The following SERINC5 variants were observed in gnomAD, a reference collection of about 807,000 sequenced individuals.
SERINC5 encodes the protein chromosome 5 open reading frame 12.
Under a neutral mutation model 63.1 loss-of-function variants are expected in SERINC5, and 41 were observed. The observed-to-expected ratio is 0.65, with a 90% CI of 0.51 to 0.84. The LOEUF is 0.84. Ranked by LOEUF, SERINC5 falls within the 40% of genes least tolerant of loss-of-function variation. The probability of loss-of-function intolerance (pLI) is 0.00; values close to 1 mark genes in which losing one functional copy is unlikely to be tolerated. For missense variants in SERINC5, 523 were observed against 573.0 expected, an observed-to-expected ratio of 0.91 and a Z score of 0.89; for synonymous variants, 222 against 215.2, an observed-to-expected ratio of 1.03 and a Z score of -0.28.
chr5:80,185,971 C>T (rs145411483), intron 2 of SERINC5, among the ~76,000 whole-genome samples: 422 of 151,868 alleles, frequency 2.8e-3, no homozygotes, highest in African/African-American at 9.4e-3. Flanking sequence ...AAAATAATTT[C>T]GGGGAAGAGA....
In SERINC5 at chr5:80,229,050, T is replaced by TGAGGGGG. The variant is rs1751303737; in HGVS notation, c.28-25998_28-25997insCCCCCTC. ...TTTTTTTTTTTTTTTTTTTTTTTTT[T>TGAGGGGG]GGGGATGGAGTTGCCTAGGCTGGAG... On this transcript the variant is annotated intron_variant, in intron 1 of 11. Coordinates refer to ENST00000507668, the MANE Select transcript of SERINC5 (RefSeq NM_001174072.3). Among the ~76,000 whole-genome samples, 3 of 94,164 alleles carry TGAGGGGG rather than the reference T, an allele frequency of 3.2e-5. 1 individual carries two copies. Among genetic ancestry groups the TGAGGGGG allele is most frequent in the African/African-American group, 7.8e-5 (2 of 25,620 alleles). The allele number at this position is 94,164 out of a possible 152,430, so 61.8% of individuals were successfully genotyped here.
intron 2 of SERINC5, among the ~76,000 whole-genome samples, chr5:80,189,138 T>C (rs1379212596): frequency 6.6e-6 from 1 of 152,184 alleles, no homozygotes; most frequent in African/African-American, 2.4e-5. Flanking sequence ...ACAGAAGTCA[T>C]AAAGTTAGTA....
intron 9 of SERINC5, 62 bp from the exon 10 acceptor site, chr5:80,147,346 A>G (rs7712447): frequency 0.85 from 1,309,204 of 1,549,286 alleles, 555,498 homozygotes; most frequent in East Asian, 1. Context: ...CCTCAGCAAG[A>G]CAACAGTAAC....
At chr5:80,240,386 T>C (rs1047280) in intron 1 of SERINC5, among the ~76,000 whole-genome samples, 16 of 152,234 alleles carry the variant, frequency 1.1e-4, no homozygotes, top group Admixed American at 7.9e-4. Flanking sequence ...AGTTATGTAT[T>C]TCTTAACCAT....
intron 7 of SERINC5, among the ~76,000 whole-genome samples, chr5:80,164,875 G>A: frequency 6.9e-6 from 1 of 145,556 alleles, no homozygotes; most frequent in Admixed American, 6.9e-5. Context: ...TTAAAAAAAT[G>A]TAGAGCACTT....
chr5:80,187,770 C>T (rs1748908667), intron 2 of SERINC5, among the ~76,000 whole-genome samples: 3 of 152,160 alleles, frequency 2.0e-5, no homozygotes, highest in Non-Finnish European at 4.4e-5. Context: ...AATGCGAGTT[C>T]ACAGCTCCTC....
At chr5:80,145,280 T>C (rs1040322040) in intron 11 of SERINC5, among the ~76,000 whole-genome samples, 4 of 151,610 alleles carry the variant, frequency 2.6e-5, no homozygotes, top group East Asian at 1.9e-4. Context: ...GGGGCGGAGG[T>C]TGCAGTGAGC....
intron 1 of SERINC5, among the ~76,000 whole-genome samples, chr5:80,228,695 C>G (rs1264089702): frequency 2.0e-5 from 3 of 152,026 alleles, no homozygotes; most frequent in African/African-American, 7.2e-5. Flanking sequence ...TCCCAAAGCA[C>G]TAGGATTACA....
chr5:80,133,839 G>A (rs777610871), downstream of SERINC5, among the ~76,000 whole-genome samples: 1 of 152,228 alleles, frequency 6.6e-6, no homozygotes, highest in Non-Finnish European at 1.5e-5. Flanking sequence ...TTGGTGGGCA[G>A]GGGGTCAGAA....
At chr5:80,245,767 A>G (rs1752140337) in intron 1 of SERINC5, among the ~76,000 whole-genome samples, 1 of 151,878 alleles carries the variant, frequency 6.6e-6, no homozygotes, top group African/African-American at 2.4e-5. Context: ...GGCATGTGCT[A>G]TCATGCCTGG....
At chr5:80,236,170 A>C (rs1260163589) in intron 1 of SERINC5, among the ~76,000 whole-genome samples, 1 of 152,182 alleles carries the variant, frequency 6.6e-6, no homozygotes, top group Non-Finnish European at 1.5e-5. Context: ...TCCTCCCCAA[A>C]ACTACAACAT....
At chr5:80,150,484 G>A (rs1313911482) in intron 9 of SERINC5, among the ~76,000 whole-genome samples, 1 of 152,152 alleles carries the variant, frequency 6.6e-6, no homozygotes, top group Non-Finnish European at 1.5e-5. Flanking sequence ...TGCCCAGGCT[G>A]GAGTGCAGTG....
At position 80,201,587 on chromosome 5, in the gene SERINC5, T is replaced by C. The variant is rs372127634; in HGVS notation, c.195+1299A>G. ...CAACCTGCTGACATCTTAGTCTTTT[T>C]TGTCAATTCGCTTAGAACCTAGGAG... is the stretch of plus-strand genomic sequence containing the variant. On this transcript the variant is annotated intron_variant, in intron 2 of 11. Transcript: ENST00000507668. Among the ~76,000 whole-genome samples the C allele has an allele frequency of 6.6e-5, 10 of 152,362 alleles. No individual in the cohort carries two copies. In the East Asian group the frequency reaches 1.4e-3, roughly 21 times the overall value.
intron 1 of SERINC5, among the ~76,000 whole-genome samples, chr5:80,247,753 G>C (rs1305569188): frequency 6.6e-6 from 1 of 152,176 alleles, no homozygotes; most frequent in Non-Finnish European, 1.5e-5. Flanking sequence ...CTTACCCAAG[G>C]AGGATGTGTT....
rs192723246 is a variant in SERINC5, at chr5:80,241,539, A to C, written c.27+14357T>G. Among the ~76,000 whole-genome samples, 12 of 152,184 alleles carry C rather than the reference A, an allele frequency of 7.9e-5. No individual in the cohort carries two copies. The East Asian group carries it at 2.3e-3, about 29-fold the overall frequency. On this transcript the variant is annotated intron_variant, in intron 1 of 11. Coordinates refer to ENST00000507668, the MANE Select transcript of SERINC5 (RefSeq NM_001174072.3). ...AAAATATTCAATTAGCCCTCTCCTC[A>C]AAAAAAGATAAGAACAAAGAACAGA...
chr5:80,166,351 G>A (rs573910095), intron 7 of SERINC5, 32 bp downstream of exon 7: 8 of 1,385,108 alleles, frequency 5.8e-6, no homozygotes, highest in East Asian at 2.5e-5. Context: ...TATTCACACC[G>A]CAAACACAAG....
intron 11 of SERINC5, among the ~76,000 whole-genome samples, chr5:80,130,210 A>G (rs1339966359): frequency 6.6e-6 from 1 of 151,806 alleles, no homozygotes; most frequent in Non-Finnish European, 1.5e-5. Flanking sequence ...TGAAACCCCA[A>G]CTCTACTAAA....
chr5:80,198,371 A>G lies in SERINC5; in HGVS notation c.195+4515T>C, dbSNP rs531991629. On this transcript the variant is annotated intron_variant, in intron 2 of 11. Coordinates refer to ENST00000507668, the MANE Select transcript of SERINC5 (RefSeq NM_001174072.3). ...TTTCCCTAAAGAAAAGAAGCAGGAC[A>G]AAGTCTGGCCCAGCATCCCTTGCAG... 2.6e-5 allele frequency among the ~76,000 whole-genome samples: 4 copies of G among 152,274 alleles called. No individual in the cohort carries two copies. In the South Asian group the frequency reaches 8.3e-4, roughly 32 times the overall value.
In SERINC5 at chr5:80,181,307, C is replaced by CG. The variant is rs762210784; in HGVS notation, c.196-3244dup. Reference sequence around the variant, plus strand: ...CTGTACCCAGGCTGGAGTGCAGTGGCGCAATCTTGGCTCACTGCAACCGTC... The same window carrying CG: ...CTGTACCCAGGCTGGAGTGCAGTGGCGGCAATCTTGGCTCACTGCAACCGTC... On this transcript the variant is annotated intron_variant, in intron 2 of 11. Coordinates refer to ENST00000507668, the MANE Select transcript of SERINC5 (RefSeq NM_001174072.3). 5.5e-4 allele frequency among the ~76,000 whole-genome samples: 83 copies of CG among 152,230 alleles called. 1 individual carries two copies. The highest frequency in any genetic ancestry group is 1.1e-3 in the Non-Finnish European group (74 of 68,014).
Sources: allele counts gnomAD v4.1 joint callset (sites outside exome capture counted in the v4.1 genomes callset), GRCh38; gene constraint gnomAD v4.1.1; transcripts MANE v1.5; gene names NCBI Gene and HGNC (gene_info 2026-07-23, HGNC 2026-07-21).